Variants in MTCL2 observed in about 807,000 individuals in gnomAD.
MTCL2 encodes the protein microtubule crosslinking factor 2.
chr20:36,787,076 C>T, the MTCL2 span, among the ~76,000 whole-genome samples: 3 of 152,044 alleles, frequency 2.0e-5, no homozygotes, highest in African/African-American at 7.2e-5. Flanking sequence ...ATCCTCCTGC[C>T]TCAGCCTCCC....
the MTCL2 span, chr20:36,860,014 T>C: frequency 2.2e-5 from 22 of 1,009,602 alleles, no homozygotes; most frequent in South Asian, 1.0e-3. Flanking sequence ...GGTCCACATT[T>C]AGTCTCTGGA....
the MTCL2 span, chr20:36,862,735 C>T: frequency 4.0e-6 from 6 of 1,489,602 alleles, no homozygotes; most frequent in Non-Finnish European, 5.3e-6. Flanking sequence ...AGCATCTCCT[C>T]GGTGAGGTCG....
the MTCL2 span, among the ~76,000 whole-genome samples, chr20:36,791,955 T>C: frequency 6.6e-6 from 1 of 152,188 alleles, no homozygotes; most frequent in Non-Finnish European, 1.5e-5. Context: ...ATTCAAATAA[T>C]GCTCACTAAC....
the MTCL2 span, chr20:36,862,982 C>T: frequency 7.1e-7 from 1 of 1,410,530 alleles, no homozygotes; most frequent in Admixed American, 2.5e-5. Flanking sequence ...CCGACACCTC[C>T]GAGCTGCTAT....
the MTCL2 span, among the ~76,000 whole-genome samples, chr20:36,795,233 C>G: frequency 6.6e-6 from 1 of 152,042 alleles, no homozygotes; most frequent in Non-Finnish European, 1.5e-5. Context: ...GCCACTGTGC[C>G]CAGCCTAACA....
chr20:36,789,010 T>C, the MTCL2 span, among the ~76,000 whole-genome samples: 1 of 152,078 alleles, frequency 6.6e-6, no homozygotes, highest in African/African-American at 2.4e-5. Flanking sequence ...TTCTCGGCAT[T>C]GGTCAGGCTG....
At chr20:36,828,693 A>C in the MTCL2 span, 2 of 216,222 alleles carry the variant, frequency 9.2e-6, no homozygotes, top group Non-Finnish European at 1.8e-5. Flanking sequence ...TAGGTAAGGA[A>C]ACTGAGGCAC....
the MTCL2 span, among the ~76,000 whole-genome samples, chr20:36,842,170 T>C: frequency 6.6e-6 from 1 of 152,164 alleles, no homozygotes; most frequent in African/African-American, 2.4e-5. Flanking sequence ...ATTCTATGTT[T>C]AATAGTTTGT....
At chr20:36,786,293 C>T in the MTCL2 span, 1 of 1,285,862 alleles carries the variant, frequency 7.8e-7, no homozygotes, top group South Asian at 2.3e-5. Context: ...AAGCTCACCA[C>T]CCAGGGGCCA....
At chr20:36,830,869 C>T in the MTCL2 span, among the ~76,000 whole-genome samples, 2 of 152,198 alleles carry the variant, frequency 1.3e-5, no homozygotes, top group African/African-American at 4.8e-5. Context: ...CTCCAAGGAA[C>T]TGAAGCCCAG....
the MTCL2 span, chr20:36,786,717 G>A: frequency 1.5e-6 from 2 of 1,340,810 alleles, no homozygotes; most frequent in Admixed American, 2.2e-5. Flanking sequence ...TGGTATGCCA[G>A]GCAAGGAACT....
chr20:36,828,723 C>T, the MTCL2 span: 1 of 262,762 alleles, frequency 3.8e-6, no homozygotes, highest in Non-Finnish European at 7.3e-6. Flanking sequence ...AGCCCCATGC[C>T]TGACATTGTT....
At chr20:36,797,176 C>A in the MTCL2 span, among the ~76,000 whole-genome samples, 2 of 152,142 alleles carry the variant, frequency 1.3e-5, no homozygotes, top group South Asian at 4.1e-4. Flanking sequence ...GTGACCCACC[C>A]AAGGAAAGGG....
the MTCL2 span, among the ~76,000 whole-genome samples, chr20:36,862,490 CG>C: frequency 6.6e-6 from 1 of 152,086 alleles, no homozygotes. Context: ...TGAGAGGGGG[CG>C]GGGGGAATGA....
the MTCL2 span, among the ~76,000 whole-genome samples, chr20:36,811,616 C>A: frequency 6.7e-6 from 1 of 148,992 alleles, no homozygotes; most frequent in Admixed American, 6.7e-5. Flanking sequence ...GGCAACAGAG[C>A]GAGACTCAGT....
chr20:36,840,314 G>A, the MTCL2 span, among the ~76,000 whole-genome samples: 3 of 151,042 alleles, frequency 2.0e-5, no homozygotes, highest in Admixed American at 6.6e-5. Flanking sequence ...ACAGGCACCC[G>A]CCACCACGCC....
chr20:36,854,185 G>A, the MTCL2 span, among the ~76,000 whole-genome samples: 1 of 152,160 alleles, frequency 6.6e-6, no homozygotes, highest in South Asian at 2.1e-4. Context: ...CTTACAGGCT[G>A]CATGACCTCT....
At chr20:36,844,400 A>ATAAT in the MTCL2 span, among the ~76,000 whole-genome samples, 977 of 145,154 alleles carry the variant, frequency 6.7e-3, 3 homozygotes, top group South Asian at 0.011. Context: ...TACAAAAAAA[A>ATAAT]AATAATAATA....
the MTCL2 span, chr20:36,863,019 G>T: frequency 2.1e-6 from 3 of 1,398,512 alleles, no homozygotes; most frequent in Admixed American, 2.6e-5. The surrounding 1 kb of genome is among the most constrained non-coding windows in gnomAD (Gnocchi z 6.2). Context: ...CGGCGGTGGC[G>T]GTCGCGGCCC....
Sources: allele counts gnomAD v4.1 joint callset (sites outside exome capture counted in the v4.1 genomes callset), GRCh38; gene constraint gnomAD v4.1.1; non-coding constraint Gnocchi (gnomAD v3.1); transcripts MANE v1.5; gene names NCBI Gene and HGNC (gene_info 2026-07-23, HGNC 2026-07-21).